Variants in SNX17 observed in about 807,000 individuals in gnomAD.
SNX17 encodes the protein sorting nexin-17.
In SNX17, 35 loss-of-function variants were observed where a neutral mutation model predicts 64.3. The ratio of observed to expected loss-of-function variants is 0.54; its 90% confidence interval spans 0.42 to 0.72. The LOEUF (loss-of-function observed/expected upper bound fraction) is 0.72, where lower values mean the gene tolerates loss of function less well. Among genes scored for constraint, SNX17 ranks in the 30% least tolerant of loss-of-function variants. SNX17 has a pLI of 0.00. For synonymous variants in SNX17, 259 were observed against 230.2 expected, an observed-to-expected ratio of 1.13 and a Z score of -1.13; for missense variants, 538 against 610.0, an observed-to-expected ratio of 0.88 and a Z score of 1.24.
Position 27,377,254 on chromosome 2 carries a change from T to G in SNX17, c.*535T>G. On this transcript the variant is annotated 3_prime_UTR_variant, in exon 15 of 15. Transcript: ENST00000233575. This position sits in a 1 kb window ranked among gnomAD's most constrained non-coding sequence, Gnocchi z 4.4. ...CATGGCTTTGTTAGTGTTTCCTTTA[T>G]TATAAAGCACTGAAATAAGTTAAAT... is the stretch of plus-strand genomic sequence containing the variant. 3.5e-6 allele frequency: 2 copies of G among 570,592 alleles called. No homozygotes were observed. Among genetic ancestry groups the G allele is most frequent in the Non-Finnish European group, 6.3e-6 (2 of 317,380 alleles). The allele number at this position is 570,592 out of a possible 1,614,324, so 35.3% of individuals were successfully genotyped here. A position where few individuals can be genotyped will look rare whatever the true frequency, so the allele number is the denominator to read the frequency against.
At chr2:27,370,836 G>C in intron 1 of SNX17, 30 bp downstream of exon 1, 1 of 1,532,182 alleles carries the variant, frequency 6.5e-7, no homozygotes, top group Non-Finnish European at 8.8e-7. Flanking sequence ...GAGCCGGGCC[G>C]GGCAGGGGCG....
At position 27,373,914 on chromosome 2, in the gene SNX17, C is replaced by T. The variant is rs1269880918; in HGVS notation, c.375C>T (p.Asn125=). ...TGTCCTTGGAAGTGCTGCTCAGCAA[C>T]GGGCAGAAAGTTCTGGTCAACGTGC... is the stretch of plus-strand genomic sequence containing the variant. The part of the protein sequence containing the change: ...EEVSLEVLLS[N]GQKVLVNVLT... The change falls in exon 5 of 15, where the codon AAC becomes AAT. Residue 125 remains asparagine (N), a synonymous_variant. Transcript: ENST00000233575. 25 of 1,614,030 alleles carry T rather than the reference C, an allele frequency of 1.5e-5. No homozygotes were observed. The highest frequency in any genetic ancestry group is 4.4e-5 in the South Asian group (4 of 91,084).
In SNX17 at chr2:27,375,537, A is replaced by G. The variant is rs200333140; in HGVS notation, c.806A>G (p.Tyr269Cys). The G allele has an allele frequency of 8.1e-6, 13 of 1,614,170 alleles. No individual in the cohort carries two copies. In the Admixed American group the frequency reaches 2.2e-4, roughly 27 times the overall value. The change falls in exon 10 of 15, where the codon TAT becomes TGT. Residue 269 changes from tyrosine to cysteine, a missense_variant. Coordinates refer to ENST00000233575, the MANE Select transcript of SNX17 (RefSeq NM_014748.4). The surrounding 1 kb of genome is among the most constrained non-coding windows in gnomAD (Gnocchi z 4.1). Reference sequence around the variant, plus strand: ...AGACTGGCCCAGACGCTGCGGCACTATGGCTACTTGCGCTTTGATGCCTGT... The same window carrying G: ...AGACTGGCCCAGACGCTGCGGCACTGTGGCTACTTGCGCTTTGATGCCTGT... Reference protein sequence around the residue: ...FLRLAQTLRHYGYLRFDACVA... With the variant: ...FLRLAQTLRHCGYLRFDACVA...
chr2:27,375,337 A>C lies in SNX17; in HGVS notation c.775-169A>C, dbSNP rs1683078460. Among the ~76,000 whole-genome samples the C allele has an allele frequency of 6.6e-6, 1 of 152,072 alleles. No individual in the cohort carries two copies. Among genetic ancestry groups the C allele is most frequent in the Non-Finnish European group, 1.5e-5 (1 of 68,006 alleles). ...GTATTTTTGGGAGAGACAGGGTTTC[A>C]CCATGTTAGCCAGGATGGTCTTGAG... On this transcript the variant is annotated intron_variant, in intron 9 of 14. Transcript: ENST00000233575. This position sits in a 1 kb window ranked among gnomAD's most constrained non-coding sequence, Gnocchi z 4.1.
Position 27,373,326 on chromosome 2 carries a change from G to A in SNX17, c.321+15G>A, listed in dbSNP as rs952354146. On this transcript the variant is annotated intron_variant, in intron 4 of 14. Transcript: ENST00000233575. ...GGGCACAACAGGTAGGGCTTTGGGT[G>A]GGACCAAGATTTAAGGAAAGGACCT... 8 of 1,613,836 alleles carry A rather than the reference G, an allele frequency of 5.0e-6. No homozygotes were observed. The highest frequency in any genetic ancestry group is 1.3e-5 in the African/African-American group (1 of 74,926).
chr2:27,376,173 G>GT lies in SNX17; in HGVS notation c.1173dup (p.Ile392TyrfsTer29). The GT allele has an allele frequency of 6.2e-7, 1 of 1,614,170 alleles. No homozygotes were observed. Among genetic ancestry groups the GT allele is most frequent in the Non-Finnish European group, 8.5e-7 (1 of 1,180,038 alleles). On this transcript the variant is annotated frameshift_variant, in exon 12 of 15. Transcript: ENST00000233575. LOFTEE classifies it high-confidence loss of function. The stretch of plus-strand genomic sequence containing the variant: ...CTGATGGTGAAGAAATCTGGCGGCA[G>GT]TATCAGGAAGGTAGGCAGCAAGTGT...
In SNX17 at chr2:27,374,939, TTA is replaced by T. The variant is rs1491293664; in HGVS notation, c.682-121_682-120del. 3 of 367,178 alleles carry T rather than the reference TTA, an allele frequency of 8.2e-6. No homozygotes were observed. In the Admixed American group the frequency reaches 2.5e-4, roughly 31 times the overall value. 22.7% of individuals were successfully genotyped at this position (367,178 alleles called of 1,614,324 possible). ...TTATTAAGCTGACAAGATCAAGGAC[TTA>T]CTGCAGAGAGGTCGCTCAAGTGTGG... On this transcript the variant is annotated intron_variant, in intron 8 of 14. Coordinates refer to ENST00000233575, the MANE Select transcript of SNX17 (RefSeq NM_014748.4).
intron 4 of SNX17, chr2:27,373,551 C>T (rs1423470704): frequency 1.3e-5 from 7 of 536,588 alleles, no homozygotes; most frequent in Non-Finnish European, 2.3e-5. Flanking sequence ...TTAGTGGAGA[C>T]GGGGTTTTGC....
At chr2:27,374,224 T>G (rs777104058) in intron 6 of SNX17, 49 bp downstream of exon 6, 2 of 1,587,364 alleles carry the variant, frequency 1.3e-6, no homozygotes, top group Non-Finnish European at 1.7e-6. Context: ...TCAGTAGAGT[T>G]TGCAGCCCCC....
At chr2:27,371,198 T>C in intron 1 of SNX17, 71 bp from the exon 2 acceptor site, 1 of 1,434,364 alleles carries the variant, frequency 7.0e-7, no homozygotes, top group Non-Finnish European at 9.8e-7. Flanking sequence ...CCAGGCAACT[T>C]CCGGCCAGGG....
chr2:27,375,865 G>A lies in SNX17; in HGVS notation c.998G>A (p.Ser333Asn). The A allele has an allele frequency of 5.6e-6, 9 of 1,614,130 alleles. No homozygotes were observed. Among genetic ancestry groups the A allele is most frequent in the Non-Finnish European group, 7.6e-6 (9 of 1,180,018 alleles). The change falls in exon 11 of 15, where the codon AGC (serine) becomes AAC (asparagine). Residue 333 changes from serine (S) to asparagine (N), a missense_variant. By Grantham distance (46) the Ser-to-Asn change is conservative (BLOSUM62 1). Transcript: ENST00000233575. The surrounding 1 kb of genome is among the most constrained non-coding windows in gnomAD (Gnocchi z 4.1). ...VTSSVPLPSG[S>N]TSSPGRGRGE... ...TCCCAGGTACCATTGCCCAGTGGAA[G>A]CACGAGCAGCCCAGGCCGGGGCCGG...
intron 2 of SNX17, among the ~76,000 whole-genome samples, chr2:27,371,894 C>CT (rs1333910569): frequency 1.3e-5 from 2 of 151,494 alleles, no homozygotes; most frequent in Non-Finnish European, 2.9e-5. Context: ...TACCTGATAT[C>CT]TTTTTTTGGG....
rs758142349 is a variant in SNX17, at chr2:27,371,398, C to T, written c.138+55C>T. 70 of 1,567,564 alleles carry T rather than the reference C, an allele frequency of 4.5e-5. No homozygotes were observed. In the South Asian group the frequency reaches 7.3e-4, roughly 16 times the overall value. On this transcript the variant is annotated intron_variant, in intron 2 of 14. Transcript: ENST00000233575. ...CTTCAAGCCCTTCCCTACACGTGGA[C>T]ATCAGTGTCTCCCTTTACCCGCTCT...
Position 27,370,799 on chromosome 2 carries a change from C to G in SNX17, c.56C>G (p.Ala19Gly), listed in dbSNP as rs1453122207. 1 of 1,544,634 alleles carries G rather than the reference C, an allele frequency of 6.5e-7. No individual in the cohort carries two copies. Residue 19 changes from alanine (A) to glycine (G), a missense_variant, in exon 1 of 15, where the codon GCC becomes GGC. Physicochemically the swap from Ala to Gly is moderately conservative, Grantham distance 60. Around this residue, in one of 3 missense-constraint regions of SNX17, gnomAD observed 27 missense variants for 38.2 expected, o/e 0.71. Coordinates refer to ENST00000233575, the MANE Select transcript of SNX17 (RefSeq NM_014748.4). Reference sequence around the variant, plus strand: ...CGCAGCGGGGACAGCGGCGGCTCCGCCTACGTGGTGAGGAGCGGCCGGAGC... The same window carrying G: ...CGCAGCGGGGACAGCGGCGGCTCCGGCTACGTGGTGAGGAGCGGCCGGAGC... ...ESRSGDSGGSAYVAYNIHVNG... is the reference protein window; with the variant it reads ...ESRSGDSGGSGYVAYNIHVNG...
Position 27,371,337 on chromosome 2 carries a change from C to T in SNX17, c.132C>T (p.His44=), listed in dbSNP as rs1289702587. The T allele has an allele frequency of 2.5e-6, 4 of 1,611,664 alleles. No homozygotes were observed. Among genetic ancestry groups the T allele is most frequent in the East Asian group, 2.2e-5 (1 of 44,846 alleles). Residue 44 remains histidine, a synonymous_variant, in exon 2 of 15, where the codon CAC becomes CAT. Coordinates refer to ENST00000233575, the MANE Select transcript of SNX17 (RefSeq NM_014748.4). ...GCTACAGCCAGCTCCTGGGGCTGCACGAGCAGGTGGGACTAGCACCCCTGC... is the reference window on the plus strand; with the variant it reads ...GCTACAGCCAGCTCCTGGGGCTGCATGAGCAGGTGGGACTAGCACCCCTGC... ...RVRYSQLLGL[H]EQLRKEYGAN...
In SNX17 at chr2:27,375,464, T is replaced by G; in HGVS notation, c.775-42T>G. The stretch of plus-strand genomic sequence containing the variant: ...GGGTTGCTTTTTCTGAGCTGCCCCA[T>G]TCTCCCTCCTAATCTACCCCCATGT... On this transcript the variant is annotated intron_variant, in intron 9 of 14. Transcript: ENST00000233575. The surrounding 1 kb of genome is among the most constrained non-coding windows in gnomAD (Gnocchi z 4.1). The G allele has an allele frequency of 3.1e-6, 5 of 1,606,780 alleles. No individual in the cohort carries two copies. The highest frequency in any genetic ancestry group is 4.3e-6 in the Non-Finnish European group (5 of 1,174,274).
chr2:27,376,392 G>T lies in SNX17; in HGVS notation c.1257+5G>T. The T allele has an allele frequency of 1.2e-6, 2 of 1,614,030 alleles. No homozygotes were observed. Among genetic ancestry groups the T allele is most frequent in the Non-Finnish European group, 1.7e-6 (2 of 1,179,986 alleles). ...GTGAAGTCCCCACCACTGCTTGTAA[G>T]TATTACCTCCTGGTCAGAACCCTGG... On this transcript the variant is annotated splice_donor_5th_base_variant and intron_variant, in intron 13 of 14. Transcript: ENST00000233575.
intron 2 of SNX17, 47 bp downstream of exon 2, chr2:27,371,390 C>A (rs1248568125): frequency 6.3e-7 from 1 of 1,577,344 alleles, no homozygotes; most frequent in Admixed American, 1.8e-5. Context: ...CCCTTCCCTA[C>A]ACGTGGACAT....
In SNX17 at chr2:27,370,786, A is replaced by G; in HGVS notation, c.43A>G (p.Ser15Gly). ...IPETESRSGD[S>G]GGSAYVAYNI... The stretch of plus-strand genomic sequence containing the variant: ...CGAAACCGAGTCCCGCAGCGGGGAC[A>G]GCGGCGGCTCCGCCTACGTGGTGAG... Residue 15 changes from serine to glycine, a missense_variant, in exon 1 of 15, where the codon AGC becomes GGC. By Grantham distance (56) the Ser-to-Gly change is moderately conservative (BLOSUM62 0). Around this residue, in one of 3 missense-constraint regions of SNX17, gnomAD observed 27 missense variants for 38.2 expected, o/e 0.71. Coordinates refer to ENST00000233575, the MANE Select transcript of SNX17 (RefSeq NM_014748.4). 14 of 1,546,268 alleles carry G rather than the reference A, an allele frequency of 9.1e-6. No homozygotes were observed. Among genetic ancestry groups the G allele is most frequent in the Non-Finnish European group, 1.2e-5 (14 of 1,146,460 alleles).
Sources: gnomAD v4.1 joint callset for allele counts (sites outside exome capture counted in the v4.1 genomes callset) on GRCh38, gnomAD v4.1.1 for gene constraint, gnomAD v4.1.1 regional missense constraint, Gnocchi (gnomAD v3.1) non-coding constraint, MANE v1.5 for transcripts, NCBI Gene and HGNC (gene_info 2026-07-23, HGNC 2026-07-21) for gene names.